The following MTURN variants were observed in gnomAD, a reference collection of about 807,000 sequenced individuals.
MTURN encodes the protein maturin, neural progenitor differentiation regulator homolog.
MTURN carries 7 observed loss-of-function variants against 14.9 expected under a neutral mutation model. The ratio of observed to expected loss-of-function variants is 0.47; its 90% CI spans 0.27 to 0.88. The LOEUF is 0.88. MTURN is among the 40% of genes least tolerant of loss of function. The probability of loss-of-function intolerance (pLI) is 0.14; values close to 1 mark genes in which losing one functional copy is unlikely to be tolerated. For synonymous variants in MTURN, 69 were observed against 72.5 expected (o/e 0.95, Z 0.25); for missense variants, 151 against 174.1 (o/e 0.87, Z 0.75).
intron 1 of MTURN, chr7:30,137,255 CAG>C (rs1796978537): frequency 1.1e-5 from 2 of 176,550 alleles, no homozygotes; most frequent in Non-Finnish European, 2.5e-5. Context: ...CCGTGTGAAA[CAG>C]GGCAAGAATG....
intron 1 of MTURN, among the ~76,000 whole-genome samples, chr7:30,142,497 A>G (rs552047330): frequency 2.0e-5 from 3 of 152,312 alleles, no homozygotes; most frequent in Admixed American, 6.5e-5. Flanking sequence ...ATGGTTCTCA[A>G]AGTGTGGTCC....
In MTURN at chr7:30,162,201, A is replaced by T. The variant is rs1797385057; in HGVS notation, c.*4653A>T. On this transcript the variant is annotated 3_prime_UTR_variant, in exon 3 of 3. Coordinates refer to ENST00000324453, the MANE Select transcript of MTURN (RefSeq NM_152793.3). ...CTGTATTCAAGTTGTTTGATACCAGACAGAAAGCTGACAGTCTGTTCTTTG... is the reference window on the plus strand; with the variant it reads ...CTGTATTCAAGTTGTTTGATACCAGTCAGAAAGCTGACAGTCTGTTCTTTG... 6.6e-6 allele frequency: 1 copy of T among 152,190 alleles called. No individual in the cohort carries two copies. 9.4% of individuals were successfully genotyped at this position (152,190 alleles called of 1,614,324 possible). A position where few individuals can be genotyped will look rare whatever the true frequency, so the allele number is the denominator to read the frequency against.
intron 1 of MTURN, among the ~76,000 whole-genome samples, chr7:30,144,928 CTTTTTTTTTT>C (rs11411711): frequency 2.7e-5 from 2 of 73,978 alleles, no homozygotes; most frequent in African/African-American, 5.6e-5. Flanking sequence ...GACCTCAATA[CTTTTTTTTTT>C]TTTTTTTTTT....
intron 1 of MTURN, among the ~76,000 whole-genome samples, chr7:30,140,415 G>GTGTGTGTGTGTGTATATATATATATATA (rs33952294): frequency 4.8e-4 from 69 of 143,810 alleles, no homozygotes; most frequent in South Asian, 1.1e-3. Context: ...GTGTGTGTGT[G>GTGTGTGTGTGTGTATATATATATATATA]TATCCCCATT....
At chr7:30,146,933 A>G (rs971741924) in intron 2 of MTURN, among the ~76,000 whole-genome samples, 4 of 152,134 alleles carry the variant, frequency 2.6e-5, no homozygotes, top group Non-Finnish European at 4.4e-5. Flanking sequence ...ACTTCCCTTT[A>G]TCTTCATTGG....
chr7:30,159,104 A>G lies in MTURN; in HGVS notation c.*1556A>G, dbSNP rs1002378199. On this transcript the variant is annotated 3_prime_UTR_variant, in exon 3 of 3. Coordinates refer to ENST00000324453, the MANE Select transcript of MTURN (RefSeq NM_152793.3). ...CAGTTTTAAGTCATCGGGTAAAATA[A>G]TAGGACAGTGATTTCCATCTGTGCT... 1 of 152,232 alleles carries G rather than the reference A, an allele frequency of 6.6e-6. No homozygotes were observed. Among genetic ancestry groups the G allele is most frequent in the African/African-American group, 2.4e-5 (1 of 41,462 alleles). 9.4% of individuals were successfully genotyped at this position (152,232 alleles called of 1,614,324 possible). A position where few individuals can be genotyped will look rare whatever the true frequency, so the allele number is the denominator to read the frequency against.
chr7:30,137,681 C>T (rs1178388384), intron 1 of MTURN: 1 of 471,206 alleles, frequency 2.1e-6, no homozygotes, highest in South Asian at 1.5e-5. Context: ...CCTCTTGAAT[C>T]TGTCCCAGGC....
chr7:30,135,442 C>A, intron 1 of MTURN, 144 bp downstream of exon 1: 1 of 664,574 alleles, frequency 1.5e-6, no homozygotes, highest in African/African-American at 2.0e-5. Context: ...GCGTGCTCCG[C>A]CGGGGAAGCC....
rs777365045 is a variant in MTURN at position 30,135,287 on chromosome 7, G to A, written c.151G>A (p.Gly51Ser). ...FYVLCPDNGC[G>S]DNFHVWSESE... ...TGTGCTGTGTCCGGACAACGGCTGC[G>A]GCGACAATTTTGTGAGTGCCTGGAG... The change falls in exon 1 of 3, where the codon GGC becomes AGC. Residue 51 changes from glycine to serine, a missense_variant. Transcript: ENST00000324453. The A allele has an allele frequency of 1.3e-6, 2 of 1,523,786 alleles. No individual in the cohort carries two copies. Among genetic ancestry groups the A allele is most frequent in the Non-Finnish European group, 1.8e-6 (2 of 1,135,088 alleles). The allele number at this position is 1,523,786 out of a possible 1,614,324, so 94.4% of individuals were successfully genotyped here. A position where few individuals can be genotyped will look rare whatever the true frequency, so the allele number is the denominator to read the frequency against.
intron 2 of MTURN, among the ~76,000 whole-genome samples, chr7:30,156,510 T>C (rs1197952290): frequency 6.6e-6 from 1 of 151,878 alleles, no homozygotes. Flanking sequence ...ATTAAAAATA[T>C]ATATATACAT....
intron 1 of MTURN, among the ~76,000 whole-genome samples, chr7:30,136,778 T>C (rs1044567258): frequency 2.6e-5 from 4 of 152,064 alleles, no homozygotes; most frequent in Non-Finnish European, 4.4e-5. Flanking sequence ...CACCCTGAGC[T>C]CAGTTTCCAC....
In MTURN at chr7:30,159,255, A is replaced by G. The variant is rs979197971; in HGVS notation, c.*1707A>G. On this transcript the variant is annotated 3_prime_UTR_variant, in exon 3 of 3. Coordinates refer to ENST00000324453, the MANE Select transcript of MTURN (RefSeq NM_152793.3). ...TAGTGTTTCATCCATTGGGGTGAGC[A>G]TATACTGCCCTTTGCAGCCCTGCCT... 6.6e-6 allele frequency: 1 copy of G among 152,226 alleles called. No homozygotes were observed. The highest frequency in any genetic ancestry group is 1.5e-5 in the Non-Finnish European group (1 of 68,034). The allele number at this position is 152,226 out of a possible 1,614,324, so 9.4% of individuals were successfully genotyped here.
At position 30,135,308 on chromosome 7, in the gene MTURN, TGGA is replaced by T; in HGVS notation, c.162+16_162+18del. The stretch of plus-strand genomic sequence containing the variant: ...CTGCGGCGACAATTTTGTGAGTGCC[TGGA>T]GGAGGGACCGCCGGAGCCGGCGGGA... On this transcript the variant is annotated intron_variant, in intron 1 of 2. Transcript: ENST00000324453. The T allele has an allele frequency of 6.6e-7, 1 of 1,511,712 alleles. No homozygotes were observed. Among genetic ancestry groups the T allele is most frequent in the Non-Finnish European group, 8.9e-7 (1 of 1,128,834 alleles). The allele number at this position is 1,511,712 out of a possible 1,614,324, so 93.6% of individuals were successfully genotyped here.
intron 2 of MTURN, among the ~76,000 whole-genome samples, chr7:30,154,298 A>G (rs1375220213): frequency 5.3e-5 from 8 of 152,138 alleles, no homozygotes; most frequent in Non-Finnish European, 1.0e-4. Context: ...CCTCCCGCTA[A>G]TGACCTCCAC....
Position 30,140,415 on chromosome 7 carries a change from G to GTGTGTGTATATATATATATATA in MTURN, c.162+5118_162+5119insGTGTGTATATATATATATATAT, listed in dbSNP as rs33952294. On this transcript the variant is annotated intron_variant, in intron 1 of 2. Coordinates refer to ENST00000324453, the MANE Select transcript of MTURN (RefSeq NM_152793.3). ...GAGGGGTGTGTGTGTGTGTGTGTGTGTATCCCCATTTGTGGTCTGAACACA... is the reference window on the plus strand; with the variant it reads ...GAGGGGTGTGTGTGTGTGTGTGTGTGTGTGTGTATATATATATATATATATCCCCATTTGTGGTCTGAACACA... 1.3e-3 allele frequency among the ~76,000 whole-genome samples: 187 copies of GTGTGTGTATATATATATATATA among 143,808 alleles called. 1 individual carries two copies. The highest frequency in any genetic ancestry group is 3.6e-3 in the African/African-American group (141 of 39,352). 94.3% of individuals were successfully genotyped at this position (143,808 alleles called of 152,430 possible). A position where few individuals can be genotyped will look rare whatever the true frequency, so the allele number is the denominator to read the frequency against.
At chr7:30,140,209 G>A (rs1797027715) in intron 1 of MTURN, among the ~76,000 whole-genome samples, 2 of 152,094 alleles carry the variant, frequency 1.3e-5, no homozygotes, top group African/African-American at 4.8e-5. Flanking sequence ...TGGGAGAGAG[G>A]GAGGGATTCA....
chr7:30,141,672 A>C (rs1223094689), intron 1 of MTURN, among the ~76,000 whole-genome samples: 1 of 152,016 alleles, frequency 6.6e-6, no homozygotes, highest in East Asian at 1.9e-4. Flanking sequence ...ACAGGTGCGC[A>C]CCACCACACC....
intron 2 of MTURN, among the ~76,000 whole-genome samples, chr7:30,152,804 C>G (rs188306064): frequency 6.6e-6 from 1 of 152,160 alleles, no homozygotes; most frequent in African/African-American, 2.4e-5. Context: ...GACCTGTAGT[C>G]GGCCCTACAG....
At chr7:30,145,892 G>A (rs933915786) in intron 1 of MTURN, 6 of 1,551,600 alleles carry the variant, frequency 3.9e-6, no homozygotes, top group Non-Finnish European at 5.2e-6. Flanking sequence ...AATCATTGGT[G>A]AGGAATGGCC....
Sources: allele counts gnomAD v4.1 joint callset (sites outside exome capture counted in the v4.1 genomes callset), GRCh38; gene constraint gnomAD v4.1.1; transcripts MANE v1.5; gene names NCBI Gene and HGNC (gene_info 2026-07-23, HGNC 2026-07-21).